Variants in SGCD observed in about 807,000 individuals in gnomAD.
The protein encoded by SGCD is sarcoglycan delta, also known as delta-sarcoglycan.
In SGCD, 18 loss-of-function variants were observed where a neutral mutation model predicts 36.6. The observed-to-expected ratio is 0.49, with a 90% CI of 0.34 to 0.73. SGCD has a LOEUF of 0.73. SGCD is among the 30% of genes least tolerant of loss of function. The probability of loss-of-function intolerance (pLI) is 0.01; values close to 1 mark genes in which losing one functional copy is unlikely to be tolerated. For synonymous variants in SGCD, 133 were observed against 130.6 expected (o/e 1.02, Z -0.12); for missense variants, 387 against 346.7 (o/e 1.12, Z -0.92).
chr5:156,580,154 A>G (rs1194344657), intron 4 of SGCD, among the ~76,000 whole-genome samples: 2 of 152,200 alleles, frequency 1.3e-5, no homozygotes, highest in African/African-American at 4.8e-5. Flanking sequence ...AAAGGATTTT[A>G]TTTCTCCTTC....
At chr5:155,972,459 C>T (rs1246211161) in intron 1 of SGCD, among the ~76,000 whole-genome samples, 1 of 152,068 alleles carries the variant, frequency 6.6e-6, no homozygotes, top group Non-Finnish European at 1.5e-5. Flanking sequence ...TTAATGACTA[C>T]ATGGTATTTT....
chr5:156,449,922 T>TCTGTGTG (rs1181880230), intron 3 of SGCD, among the ~76,000 whole-genome samples: 2 of 151,484 alleles, frequency 1.3e-5, no homozygotes, highest in Non-Finnish European at 2.9e-5. Context: ...TGCTATCAAC[T>TCTGTGTG]CTGTGTGTGC....
At chr5:156,548,908 A>G (rs1255660136) in intron 4 of SGCD, among the ~76,000 whole-genome samples, 1 of 152,154 alleles carries the variant, frequency 6.6e-6, no homozygotes, top group African/African-American at 2.4e-5. Flanking sequence ...ATAATGTTCT[A>G]AAATACCCTG....
intron 1 of SGCD, among the ~76,000 whole-genome samples, chr5:156,024,099 A>T (rs1759170355): frequency 6.6e-6 from 1 of 152,118 alleles, no homozygotes; most frequent in Non-Finnish European, 1.5e-5. Flanking sequence ...AGTTCCAAGG[A>T]TGGCAGCGTA....
At chr5:156,406,819 TACACACACACACACACAC>T (rs58920671) in intron 3 of SGCD, among the ~76,000 whole-genome samples, 44 of 104,260 alleles carry the variant, frequency 4.2e-4, no homozygotes, top group Non-Finnish European at 5.5e-4. Context: ...TATATATATA[TACACACACACACACACAC>T]ACACATATAT....
chr5:156,190,946 A>C (rs1349760784), intron 3 of SGCD, among the ~76,000 whole-genome samples: 1 of 152,142 alleles, frequency 6.6e-6, no homozygotes, highest in East Asian at 1.9e-4. Flanking sequence ...TGATTTGTAT[A>C]TTTTCCATGT....
intron 3 of SGCD, among the ~76,000 whole-genome samples, chr5:156,445,220 A>T (rs1753711194): frequency 1.3e-5 from 2 of 152,010 alleles, no homozygotes; most frequent in Non-Finnish European, 2.9e-5. Context: ...CCTTATGTCG[A>T]TGAGTGTGTG....
intron 1 of SGCD, among the ~76,000 whole-genome samples, chr5:156,055,567 G>A (rs58199274): frequency 0.014 from 2,022 of 146,394 alleles, 278 homozygotes; most frequent in Middle Eastern, 0.068. Flanking sequence ...AAGGAAGTAC[G>A]TCTCACATAT....
intron 6 of SGCD, among the ~76,000 whole-genome samples, chr5:156,646,973 G>T (rs1274891644): frequency 6.6e-6 from 1 of 152,130 alleles, no homozygotes; most frequent in African/African-American, 2.4e-5. Context: ...AGATAATAAT[G>T]TAGAACTTTA....
At chr5:156,556,150 A>G (rs1759013147) in intron 4 of SGCD, among the ~76,000 whole-genome samples, 1 of 150,750 alleles carries the variant, frequency 6.6e-6, no homozygotes, top group Non-Finnish European at 1.5e-5. Context: ...GGTATTAGAG[A>G]TACGCTCAGA....
intron 1 of SGCD, among the ~76,000 whole-genome samples, chr5:156,069,562 C>G (rs576719310): frequency 4.1e-4 from 63 of 152,178 alleles, no homozygotes; most frequent in African/African-American, 1.5e-3. Context: ...TAGCGTGATG[C>G]CTCCAGCTTT....
intron 4 of SGCD, among the ~76,000 whole-genome samples, chr5:156,511,845 T>A (rs1347963390): frequency 6.6e-6 from 1 of 152,156 alleles, no homozygotes; most frequent in African/African-American, 2.4e-5. Context: ...AACCAGCGAA[T>A]CACTGAAAAT....
At chr5:155,934,351 C>T (rs1033061492) in intron 1 of SGCD, among the ~76,000 whole-genome samples, 1 of 152,228 alleles carries the variant, frequency 6.6e-6, no homozygotes, top group African/African-American at 2.4e-5. Flanking sequence ...CCCAGAGCTG[C>T]GTTGGCAAGA....
At chr5:156,537,459 C>CCACACACA (rs769070218) in intron 4 of SGCD, among the ~76,000 whole-genome samples, 7,626 of 125,770 alleles carry the variant, frequency 0.061, 265 homozygotes, top group Non-Finnish European at 0.074. Flanking sequence ...AAGGTAGCAG[C>CCACACACA]CACACACACA....
At chr5:156,310,771 G>A (rs1581235298) in intron 3 of SGCD, among the ~76,000 whole-genome samples, 1 of 152,154 alleles carries the variant, frequency 6.6e-6, no homozygotes, top group South Asian at 2.1e-4. Context: ...GCAATCCAGT[G>A]TTCAAAAATA....
chr5:156,154,142 C>T lies in SGCD; in HGVS notation c.-44+30123C>T, dbSNP rs146107247. On this transcript the variant is annotated intron_variant, in intron 3 of 9. Transcript: ENST00000517913. ...ATTTGGAATCCTCACTTCATGGGTC[C>T]GAGACTCAAAGCTGTCCAGTAACTT... 2.7e-3 allele frequency among the ~76,000 whole-genome samples: 410 copies of T among 151,652 alleles called. 16 individuals are homozygous for T. The highest frequency in any genetic ancestry group is 9.3e-3 in the African/African-American group (382 of 40,976).
intron 8 of SGCD, among the ~76,000 whole-genome samples, chr5:156,758,992 C>T (rs1252933814): frequency 6.6e-6 from 1 of 151,972 alleles, no homozygotes; most frequent in Non-Finnish European, 1.5e-5. Context: ...TTGCAAAATG[C>T]TAACATAGAT....
intron 4 of SGCD, among the ~76,000 whole-genome samples, chr5:156,586,942 C>T (rs1760519625): frequency 6.6e-6 from 1 of 151,944 alleles, no homozygotes; most frequent in Admixed American, 6.6e-5. Context: ...TTTGGGGGGT[C>T]TTTTTTTCAA....
At chr5:156,604,870 A>G (rs1761362170) in intron 6 of SGCD, among the ~76,000 whole-genome samples, 1 of 149,192 alleles carries the variant, frequency 6.7e-6, no homozygotes, top group African/African-American at 2.4e-5. Flanking sequence ...TATAATATAT[A>G]CTTTATATAT....
Sources: gnomAD v4.1 joint callset for allele counts (sites outside exome capture counted in the v4.1 genomes callset) on GRCh38, gnomAD v4.1.1 for gene constraint, MANE v1.5 for transcripts, NCBI Gene and HGNC (gene_info 2026-07-23, HGNC 2026-07-21) for gene names.